The following R3HDM1 variants were observed in gnomAD, a reference collection of about 807,000 sequenced individuals.
R3HDM1 encodes the protein R3H domain containing 1.
In R3HDM1, 46 loss-of-function variants were observed where a neutral mutation model predicts 141.1. The ratio of observed to expected loss-of-function variants is 0.33; its 90% CI spans 0.26 to 0.42. The LOEUF (loss-of-function observed/expected upper bound fraction) is 0.42, where lower values mean the gene tolerates loss of function less well. Ranked by LOEUF, R3HDM1 falls within the 10% of genes least tolerant of loss-of-function variation. The pLI, the probability that R3HDM1 is intolerant of heterozygous loss-of-function variation, is 1.00. For synonymous variants in R3HDM1, 435 were observed against 472.9 expected (o/e 0.92, Z 1.04); for missense variants, 1,184 against 1,368.3 (o/e 0.87, Z 2.12).
rs565997700 is a variant in R3HDM1 at position 135,569,408 on chromosome 2, G to A, written c.-249-33092G>A. On this transcript the variant is annotated intron_variant, in intron 1 of 26. Transcript: ENST00000683871. ...TGAGGCAGGAGAATTGCTTGAACCC[G>A]GGAGGCAGAGGTTGCAGTGAGCCAA... 2.7e-4 allele frequency among the ~76,000 whole-genome samples: 41 copies of A among 151,908 alleles called. No individual in the cohort carries two copies. In the South Asian group the frequency reaches 4.2e-3, roughly 15 times the overall value.
At chr2:135,669,012 C>G in intron 19 of R3HDM1, 1 of 507,026 alleles carries the variant, frequency 2.0e-6, no homozygotes, top group Non-Finnish European at 2.5e-6. Context: ...ACTATTTGAG[C>G]CAGTTCTTCT....
At chr2:135,699,023 A>ATAGATAGATAGAT (rs2073755689) in intron 21 of R3HDM1, among the ~76,000 whole-genome samples, 1 of 95,576 alleles carries the variant, frequency 1.0e-5, no homozygotes, top group African/African-American at 3.7e-5. Flanking sequence ...AGATAGATAG[A>ATAGATAGATAGAT]TAGATAGATA....
At chr2:135,671,989 G>GCATACGCAAAC (rs1269301562) in intron 19 of R3HDM1, among the ~76,000 whole-genome samples, 1 of 151,624 alleles carries the variant, frequency 6.6e-6, no homozygotes, top group Non-Finnish European at 1.5e-5. Context: ...AAAAAAAAAG[G>GCATACGCAAAC]CATACGCAAA....
chr2:135,622,952 G>T, intron 7 of R3HDM1: 4 of 981,178 alleles, frequency 4.1e-6, no homozygotes, highest in Non-Finnish European at 4.8e-6. Context: ...TATGAATTTT[G>T]GGAAATATAG....
chr2:135,540,672 C>T (rs937889393), intron 1 of R3HDM1, among the ~76,000 whole-genome samples: 8 of 152,200 alleles, frequency 5.3e-5, no homozygotes, highest in African/African-American at 1.9e-4. Flanking sequence ...TCTGCCTCAG[C>T]CTCCCAGAGT....
At chr2:135,533,164 C>T (rs747866711) in intron 1 of R3HDM1, among the ~76,000 whole-genome samples, 1 of 152,082 alleles carries the variant, frequency 6.6e-6, no homozygotes, top group Admixed American at 6.6e-5. Flanking sequence ...ATGAAAATTG[C>T]CAGTCATGTA....
intron 1 of R3HDM1, chr2:135,581,515 A>C: frequency 1.9e-6 from 1 of 534,196 alleles, no homozygotes; most frequent in Non-Finnish European, 2.4e-6. Flanking sequence ...CTCACCACTT[A>C]TTAATAGTAT....
chr2:135,610,925 G>A (rs764489987), intron 3 of R3HDM1, among the ~76,000 whole-genome samples: 58 of 151,902 alleles, frequency 3.8e-4, no homozygotes, highest in South Asian at 8.3e-4. Flanking sequence ...GACAACACAC[G>A]AAGACTTTGT....
At chr2:135,687,264 A>C (rs1336058790) in intron 21 of R3HDM1, among the ~76,000 whole-genome samples, 2 of 152,178 alleles carry the variant, frequency 1.3e-5, no homozygotes, top group Non-Finnish European at 2.9e-5. Flanking sequence ...CAGGGGCTGC[A>C]GGGAGGGGGA....
intron 6 of R3HDM1, 57 bp from the exon 7 acceptor site, chr2:135,622,597 G>T: frequency 6.6e-7 from 1 of 1,519,700 alleles, no homozygotes; most frequent in Non-Finnish European, 8.8e-7. Context: ...GTGTAAAAGG[G>T]AATGGGACTT....
chr2:135,715,580 T>C lies in R3HDM1; in HGVS notation c.2767T>C (p.Ser923Pro). The stretch of plus-strand genomic sequence containing the variant: ...CCCTCAACTCAGTAGCCCCATTATT[T>C]CACCAGCTCAGTCGCCAGCACCAGC... ...HSPQLSSPII[S>P]PAQSPAPAQL... The change falls in exon 24 of 27, where the codon TCA becomes CCA. Residue 923 changes from serine to proline, a missense_variant. Ser to Pro is a moderately conservative substitution (Grantham distance 74, BLOSUM62 -1). This residue lies in a region of R3HDM1 where 563 missense variants were observed against 562.0 expected (regional missense o/e 1.00). Coordinates refer to ENST00000683871, the MANE Select transcript of R3HDM1 (RefSeq NM_001378107.1). 3.7e-6 allele frequency: 6 copies of C among 1,614,098 alleles called. No homozygotes were observed. The highest frequency in any genetic ancestry group is 5.1e-6 in the Non-Finnish European group (6 of 1,179,968).
chr2:135,588,173 C>A (rs1257711535), intron 1 of R3HDM1, among the ~76,000 whole-genome samples: 1 of 152,014 alleles, frequency 6.6e-6, no homozygotes, highest in Non-Finnish European at 1.5e-5. Context: ...TGCTTTCCCA[C>A]TGTGTCTTGG....
intron 1 of R3HDM1, chr2:135,577,216 A>C (rs1294443826): frequency 1.0e-6 from 1 of 983,340 alleles, no homozygotes; most frequent in South Asian, 4.7e-5. Flanking sequence ...CGTCTATATA[A>C]AAATAAGAAA....
chr2:135,613,301 C>T (rs563299099), intron 3 of R3HDM1, among the ~76,000 whole-genome samples: 23 of 152,314 alleles, frequency 1.5e-4, no homozygotes, highest in South Asian at 8.3e-4. Flanking sequence ...AAAGGCCACT[C>T]TGTTCTGAGA....
chr2:135,721,851 T>A, intron 24 of R3HDM1, 73 bp from the exon 25 acceptor site: 5 of 1,344,046 alleles, frequency 3.7e-6, no homozygotes, highest in Non-Finnish European at 5.2e-6. Context: ...GCCTCCCAAA[T>A]TGCTAGGATT....
intron 1 of R3HDM1, among the ~76,000 whole-genome samples, chr2:135,556,028 G>A (rs974601492): frequency 6.6e-6 from 1 of 151,998 alleles, no homozygotes; most frequent in South Asian, 2.1e-4. Flanking sequence ...GTGGGGGGAT[G>A]GGGGGAGGGA....
At chr2:135,699,058 TA>T (rs2073830725) in intron 21 of R3HDM1, among the ~76,000 whole-genome samples, 2 of 123,272 alleles carry the variant, frequency 1.6e-5, no homozygotes, top group African/African-American at 5.4e-5. Context: ...ATAGATAAGA[TA>T]GATTGATTAG....
chr2:135,702,664 A>T (rs999653754), intron 21 of R3HDM1, among the ~76,000 whole-genome samples: 21 of 151,626 alleles, frequency 1.4e-4, no homozygotes, highest in Admixed American at 6.6e-5. Context: ...AAAAAAAAAA[A>T]AAAAATATCA....
chr2:135,598,331 T>TTAA lies in R3HDM1; in HGVS notation c.-249-4166_-249-4164dup, dbSNP rs888148602. ...TGGTAGTGATTACTCCTGGTGACCA[T>TTAA]TAATACAAAGTTAATAGTACTATCT... is the stretch of plus-strand genomic sequence containing the variant. On this transcript the variant is annotated intron_variant, in intron 1 of 26. Transcript: ENST00000683871. 1.1e-4 allele frequency among the ~76,000 whole-genome samples: 17 copies of TTAA among 152,300 alleles called. 1 individual carries two copies. The highest frequency in any genetic ancestry group is 5.2e-4 in the Admixed American group (8 of 15,302).
Sources: allele counts gnomAD v4.1 joint callset (sites outside exome capture counted in the v4.1 genomes callset), GRCh38; gene constraint gnomAD v4.1.1; regional missense constraint gnomAD v4.1.1; transcripts MANE v1.5; gene names NCBI Gene and HGNC (gene_info 2026-07-23, HGNC 2026-07-21).